KIAA1328: variants seen among roughly 807,000 people sequenced by gnomAD.
The protein encoded by KIAA1328 is protein hinderin.
Under a neutral mutation model 68.1 loss-of-function variants are expected in KIAA1328, and 52 were observed. The ratio of observed to expected loss-of-function variants is 0.76; its 90% CI spans 0.61 to 0.96. The LOEUF (loss-of-function observed/expected upper bound fraction) is 0.96, where lower values mean the gene tolerates loss of function less well. KIAA1328 is among the 40% of genes least tolerant of loss of function. KIAA1328 has a pLI of 0.00. For missense variants in KIAA1328, 641 were observed against 677.6 expected, an observed-to-expected ratio of 0.95 and a Z score of 0.60; for synonymous variants, 232 against 239.4, an observed-to-expected ratio of 0.97 and a Z score of 0.28.
chr18:36,849,009 A>G, intron 4 of KIAA1328, among the ~76,000 whole-genome samples: 1 of 151,990 alleles, frequency 6.6e-6, no homozygotes, highest in Middle Eastern at 3.4e-3. Flanking sequence ...ATATCTTAGT[A>G]TATTTTAATT....
intron 6 of KIAA1328, among the ~76,000 whole-genome samples, chr18:37,046,062 GA>G (rs2055458660): frequency 6.6e-6 from 1 of 152,130 alleles, no homozygotes; most frequent in Admixed American, 6.5e-5. Flanking sequence ...CACCTTTTCA[GA>G]ACAATGTTTT....
At chr18:37,209,598 CA>C (rs1465367362) in intron 9 of KIAA1328, among the ~76,000 whole-genome samples, 1 of 152,010 alleles carries the variant, frequency 6.6e-6, no homozygotes, top group African/African-American at 2.4e-5. Flanking sequence ...GACATTTAAA[CA>C]AAGACGTTGT....
At chr18:37,020,839 A>G (rs1362017607) in intron 6 of KIAA1328, among the ~76,000 whole-genome samples, 6 of 152,200 alleles carry the variant, frequency 3.9e-5, no homozygotes, top group African/African-American at 1.4e-4. Context: ...GAGTTGGCTC[A>G]TTCAAAACTA....
At chr18:37,163,162 C>G (rs1040689214) in intron 8 of KIAA1328, among the ~76,000 whole-genome samples, 2 of 152,230 alleles carry the variant, frequency 1.3e-5, no homozygotes, top group African/African-American at 4.8e-5. Flanking sequence ...CCTAGAACCC[C>G]CCTTTCCTGA....
intron 7 of KIAA1328, among the ~76,000 whole-genome samples, chr18:37,121,499 T>C (rs2058271194): frequency 6.6e-6 from 1 of 152,070 alleles, no homozygotes; most frequent in Non-Finnish European, 1.5e-5. Flanking sequence ...TCGTTACAAA[T>C]AACCAATTGA....
intron 5 of KIAA1328, among the ~76,000 whole-genome samples, chr18:36,929,146 A>T (rs1440871683): frequency 6.6e-6 from 1 of 152,132 alleles, no homozygotes; most frequent in Non-Finnish European, 1.5e-5. Flanking sequence ...AGTTCCCTTT[A>T]GCTAATTCCA....
chr18:36,987,662 A>G lies in KIAA1328; in HGVS notation c.576+28227A>G, dbSNP rs191264630. 2.3e-3 allele frequency among the ~76,000 whole-genome samples: 355 copies of G among 152,132 alleles called. 1 individual carries two copies. The highest frequency in any genetic ancestry group is 8.0e-3 in the African/African-American group (334 of 41,556). ...ATTCAGGAATAGTGGAGTGGGTGGA[A>G]GAGATTACAGGGGACACAAGGAGAC... is the stretch of plus-strand genomic sequence containing the variant. On this transcript the variant is annotated intron_variant, in intron 6 of 9. Transcript: ENST00000280020.
At position 37,161,829 on chromosome 18, in the gene KIAA1328, C is replaced by T. The variant is rs142131863; in HGVS notation, c.1414+1448C>T. Among the ~76,000 whole-genome samples the T allele has an allele frequency of 6.8e-4, 103 of 152,290 alleles. No individual in the cohort carries two copies. In the Middle Eastern group the frequency reaches 0.014, roughly 20 times the overall value. On this transcript the variant is annotated intron_variant, in intron 8 of 9. Transcript: ENST00000280020. ...AAAATATAGTGGAATAGCAAAAGAA[C>T]AAATAACTTGTGTTATTGGTTAAAA... is the stretch of plus-strand genomic sequence containing the variant.
intron 6 of KIAA1328, among the ~76,000 whole-genome samples, chr18:36,971,483 G>T (rs755125884): frequency 1.3e-5 from 2 of 152,014 alleles, no homozygotes; most frequent in Non-Finnish European, 2.9e-5. Context: ...TACAGAATTA[G>T]CCAGGTGTGG....
At chr18:37,092,186 C>G (rs948685812) in intron 7 of KIAA1328, among the ~76,000 whole-genome samples, 1 of 152,082 alleles carries the variant, frequency 6.6e-6, no homozygotes. Context: ...TTTAGGGGCC[C>G]GGGGATTAAT....
intron 9 of KIAA1328, among the ~76,000 whole-genome samples, chr18:37,217,793 T>A (rs2060474925): frequency 6.6e-6 from 1 of 152,238 alleles, no homozygotes; most frequent in African/African-American, 2.4e-5. Context: ...TCCCTGTCAC[T>A]TTCAGGTACA....
intron 7 of KIAA1328, among the ~76,000 whole-genome samples, chr18:37,071,649 A>G (rs979141947): frequency 2.0e-5 from 3 of 152,204 alleles, no homozygotes; most frequent in African/African-American, 7.2e-5. Context: ...GAGCAAATCC[A>G]TGGGATTTTG....
chr18:36,921,697 C>T (rs1434205846), intron 5 of KIAA1328, among the ~76,000 whole-genome samples: 1 of 152,158 alleles, frequency 6.6e-6, no homozygotes, highest in Non-Finnish European at 1.5e-5. Flanking sequence ...AGCCACTGTG[C>T]CCGGCCTTTT....
In KIAA1328 at chr18:37,173,066, A is replaced by G; in HGVS notation, c.1508A>G (p.Gln503Arg). ...GTCACCACAGCCTCACCATCATTACAGCACACCACCTCCCGGTAAGCTTCA... is the reference window on the plus strand; with the variant it reads ...GTCACCACAGCCTCACCATCATTACGGCACACCACCTCCCGGTAAGCTTCA... ...DFVTTASPSL[Q>R]HTTSRYETSL... Residue 503 changes from glutamine to arginine, a missense_variant, in exon 9 of 10, where the codon CAG (glutamine) becomes CGG (arginine). Gln to Arg is a conservative substitution (Grantham distance 43, BLOSUM62 1). Coordinates refer to ENST00000280020, the MANE Select transcript of KIAA1328 (RefSeq NM_020776.3). 1 of 1,611,844 alleles carries G rather than the reference A, an allele frequency of 6.2e-7. No individual in the cohort carries two copies. Among genetic ancestry groups the G allele is most frequent in the Non-Finnish European group, 8.5e-7 (1 of 1,178,256 alleles).
chr18:37,094,109 G>A (rs375738976), intron 7 of KIAA1328, among the ~76,000 whole-genome samples: 1 of 152,192 alleles, frequency 6.6e-6, no homozygotes, highest in African/African-American at 2.4e-5. Flanking sequence ...CTCATAAGGA[G>A]CATGCAACCT....
At chr18:37,189,479 A>G (rs1336423682) in intron 9 of KIAA1328, among the ~76,000 whole-genome samples, 1 of 152,256 alleles carries the variant, frequency 6.6e-6, no homozygotes, top group Non-Finnish European at 1.5e-5. Flanking sequence ...TTCAAATTAT[A>G]ACTTAATACC....
At chr18:36,960,731 T>C (rs760417650) in intron 6 of KIAA1328, among the ~76,000 whole-genome samples, 1 of 152,122 alleles carries the variant, frequency 6.6e-6, no homozygotes, top group Non-Finnish European at 1.5e-5. Flanking sequence ...ACCTGACTGT[T>C]AGAAGGAAAA....
intron 3 of KIAA1328, among the ~76,000 whole-genome samples, chr18:36,837,010 C>T (rs537934394): frequency 1.1e-4 from 16 of 152,246 alleles, no homozygotes; most frequent in African/African-American, 3.8e-4. Flanking sequence ...ATTTATCAGT[C>T]AATGGACATG....
At chr18:37,201,899 C>T (rs1308122098) in intron 9 of KIAA1328, among the ~76,000 whole-genome samples, 2 of 152,128 alleles carry the variant, frequency 1.3e-5, no homozygotes, top group Non-Finnish European at 2.9e-5. Flanking sequence ...AGTCTTTTAC[C>T]AAGTCTGTTG....
Sources: allele counts gnomAD v4.1 joint callset (sites outside exome capture counted in the v4.1 genomes callset), GRCh38; gene constraint gnomAD v4.1.1; transcripts MANE v1.5; gene names NCBI Gene and HGNC (gene_info 2026-07-23, HGNC 2026-07-21).